The following ZNF699 variants were observed in gnomAD, a reference collection of about 807,000 sequenced individuals.
ZNF699 encodes the protein hangover homolog.
Under a neutral mutation model 22.5 loss-of-function variants are expected in ZNF699, and 18 were observed. The observed-to-expected ratio is 0.80, with a 90% confidence interval of 0.55 to 1.19. The LOEUF is 1.19. ZNF699 is among the 50% of genes most tolerant of loss of function. The pLI is 0.00. For missense variants in ZNF699, 670 were observed against 763.4 expected, an observed-to-expected ratio of 0.88 and a Z score of 1.44; for synonymous variants, 241 against 262.3, an observed-to-expected ratio of 0.92 and a Z score of 0.78.
intron 2 of ZNF699, 33 bp downstream of exon 2, chr19:9,305,039 T>C (rs375834767): frequency 6.3e-7 from 1 of 1,576,776 alleles, no homozygotes; most frequent in Non-Finnish European, 8.7e-7. Context: ...ACAATGGAAA[T>C]ATTCTTTTGG....
rs1230515106 is a variant in ZNF699 at position 9,292,872 on chromosome 19, C to G, written c.*2603G>C. Among the ~76,000 whole-genome samples the G allele has an allele frequency of 6.7e-6, 1 of 150,208 alleles. No individual in the cohort carries two copies. The highest frequency in any genetic ancestry group is 2.1e-4 in the South Asian group (1 of 4,778). The stretch of plus-strand genomic sequence containing the variant: ...CCATAAGTCTGGGTGCAGTGGCTCA[C>G]GCCTATAATCCCAGCACTTTGGGAG... On this transcript the variant is annotated 3_prime_UTR_variant, in exon 6 of 6. Coordinates refer to ENST00000591998, the MANE Select transcript of ZNF699 (RefSeq NM_198535.3).
At chr19:9,301,134 AAAAAGAGAG>A (rs1568346112) in intron 3 of ZNF699, among the ~76,000 whole-genome samples, 2 of 146,450 alleles carry the variant, frequency 1.4e-5, no homozygotes, top group African/African-American at 5.5e-5. Flanking sequence ...CCTACAAAAA[AAAAAGAGAG>A]AGAGAGAGAG....
intron 3 of ZNF699, among the ~76,000 whole-genome samples, chr19:9,300,074 G>C (rs1401003608): frequency 1.3e-5 from 2 of 152,146 alleles, no homozygotes; most frequent in Admixed American, 1.3e-4. Flanking sequence ...AGGATGAGGA[G>C]CAACAGGAAC....
rs1192695408 is a variant in ZNF699 at position 9,296,428 on chromosome 19, T to G, written c.976A>C (p.Lys326Gln). ...GGCTTATCTCCACTGTGAATTCTTT[T>G]GTGTTTGGAGAGTGAGGAGGAACAA... ...FSCSSSLSKH[K>Q]RIHSGDKPYE... The change falls in exon 6 of 6, where the codon AAA becomes CAA. Residue 326 changes from lysine to glutamine, a missense_variant. Transcript: ENST00000591998. 6.2e-7 allele frequency: 1 copy of G among 1,613,524 alleles called. No individual in the cohort carries two copies. The highest frequency in any genetic ancestry group is 2.2e-5 in the East Asian group (1 of 44,764).
At position 9,295,655 on chromosome 19, in the gene ZNF699, T is replaced by C. The variant is rs1282965408; in HGVS notation, c.1749A>G (p.Gly583=). 1.9e-6 allele frequency: 3 copies of C among 1,614,034 alleles called. No homozygotes were observed. Among genetic ancestry groups the C allele is most frequent in the Non-Finnish European group, 2.5e-6 (3 of 1,180,034 alleles). Residue 583 remains glycine (G), a synonymous_variant, in exon 6 of 6, where the codon GGA becomes GGG. Transcript: ENST00000591998. The part of the protein sequence containing the change: ...YLTVHARMHT[G]EKPFECLECG... ...ATTCCAGACATTCAAAGGGTTTCTC[T>C]CCAGTGTGCATTCTTGCATGTACAG...
rs1406099617 is a variant in ZNF699, at chr19:9,302,419, C to G, written c.134G>C (p.Arg45Thr). 3 of 1,614,040 alleles carry G rather than the reference C, an allele frequency of 1.9e-6. No individual in the cohort carries two copies. Among genetic ancestry groups the G allele is most frequent in the Admixed American group, 1.7e-5 (1 of 60,016 alleles). ...CTGGAAGTTTTCCAGCATCACATCT[C>G]TGTAGAGGTTTCTCTGAGCAAGATC... ...LLDLAQRNLYRDVMLENFQNL... is the reference protein window; with the variant it reads ...LLDLAQRNLYTDVMLENFQNL... The change falls in exon 3 of 6, where the codon AGA (arginine) becomes ACA (threonine). Residue 45 changes from arginine to threonine, a missense_variant. Physicochemically the swap from Arg to Thr is moderately conservative, Grantham distance 71 (BLOSUM62 -1). Transcript: ENST00000591998.
At chr19:9,303,052 C>G (rs931264816) in intron 2 of ZNF699, among the ~76,000 whole-genome samples, 4 of 152,072 alleles carry the variant, frequency 2.6e-5, no homozygotes, top group Non-Finnish European at 4.4e-5. Flanking sequence ...ATTTATCTCC[C>G]CACAATCTGA....
At chr19:9,304,383 T>G (rs554842632) in intron 2 of ZNF699, among the ~76,000 whole-genome samples, 2 of 150,528 alleles carry the variant, frequency 1.3e-5, no homozygotes, top group South Asian at 4.2e-4. Flanking sequence ...AAAGCAGCCT[T>G]TCATTTTTTT....
In ZNF699 at chr19:9,297,327, A is replaced by G; in HGVS notation, c.439T>C (p.Tyr147His). 4 of 1,597,852 alleles carry G rather than the reference A, an allele frequency of 2.5e-6. No individual in the cohort carries two copies. Among genetic ancestry groups the G allele is most frequent in the Non-Finnish European group, 1.7e-6 (2 of 1,176,988 alleles). The stretch of plus-strand genomic sequence containing the variant: ...TGTCTCTCATGGCTTTTGTTCTGAT[A>G]ATCAATACCACAGGACTCCTGGTTT... The part of the protein sequence containing the change: ...HENQESCGID[Y>H]QNKSHERHLR... Residue 147 changes from tyrosine to histidine, a missense_variant, in exon 5 of 6, where the codon TAT becomes CAT. Physicochemically the swap from Tyr to His is moderately conservative, Grantham distance 83 (BLOSUM62 2). Transcript: ENST00000591998. This position sits in a 1 kb window ranked among gnomAD's most constrained non-coding sequence, Gnocchi z 4.3.
Position 9,295,975 on chromosome 19 carries a change from A to G in ZNF699, c.1429T>C (p.Cys477Arg), listed in dbSNP as rs1048379411. ...RDHTGKIQYE[C>R]KECGKTFSRS... ...CTAAAGGTCTTCCCACACTCCTTACATTCATACTGTATCTTTCCAGTGTGA... is the reference window on the plus strand; with the variant it reads ...CTAAAGGTCTTCCCACACTCCTTACGTTCATACTGTATCTTTCCAGTGTGA... Residue 477 changes from cysteine (C) to arginine (R), a missense_variant, in exon 6 of 6, where the codon TGT (cysteine) becomes CGT (arginine). Physicochemically the swap from Cys to Arg is radical, Grantham distance 180. Transcript: ENST00000591998. 2.5e-6 allele frequency: 4 copies of G among 1,614,144 alleles called. No homozygotes were observed. The highest frequency in any genetic ancestry group is 3.4e-6 in the Non-Finnish European group (4 of 1,180,032).
In ZNF699 at chr19:9,291,329, A is replaced by C. The variant is rs2066264941; in HGVS notation, c.*4146T>G. ...TTAATTTAGGAAACATGGGGAACAG[A>C]GAAGGCAAGACAATCTTAAAGAATA... On this transcript the variant is annotated 3_prime_UTR_variant, in exon 6 of 6. Transcript: ENST00000591998. Among the ~76,000 whole-genome samples the C allele has an allele frequency of 6.6e-6, 1 of 152,212 alleles. No individual in the cohort carries two copies. The highest frequency in any genetic ancestry group is 1.5e-5 in the Non-Finnish European group (1 of 68,040).
Position 9,296,957 on chromosome 19 carries a change from A to G in ZNF699, c.471-24T>C, listed in dbSNP as rs541089809. On this transcript the variant is annotated intron_variant, in intron 5 of 5. Coordinates refer to ENST00000591998, the MANE Select transcript of ZNF699 (RefSeq NM_198535.3). ...TTCTTTTAAAAATAAAAGACACATTATTAGTAATAAATTTCTACCAATTTC... is the reference window on the plus strand; with the variant it reads ...TTCTTTTAAAAATAAAAGACACATTGTTAGTAATAAATTTCTACCAATTTC... 7 of 1,504,002 alleles carry G rather than the reference A, an allele frequency of 4.7e-6. No homozygotes were observed. In the South Asian group the frequency reaches 9.1e-5, roughly 20 times the overall value. 93.2% of individuals were successfully genotyped at this position (1,504,002 alleles called of 1,614,324 possible).
rs1358994426 is a variant in ZNF699, at chr19:9,293,118, G to C, written c.*2357C>G. On this transcript the variant is annotated 3_prime_UTR_variant, in exon 6 of 6. Coordinates refer to ENST00000591998, the MANE Select transcript of ZNF699 (RefSeq NM_198535.3). ...CCACTGCACTCCAACCTGGGCACAA[G>C]AGTCCGTCTCAAAAAAAAAAAAAAA... Among the ~76,000 whole-genome samples the C allele has an allele frequency of 2.2e-5, 3 of 134,338 alleles. No homozygotes were observed. Among genetic ancestry groups the C allele is most frequent in the Non-Finnish European group, 4.6e-5 (3 of 65,250 alleles). 88.1% of individuals were successfully genotyped at this position (134,338 alleles called of 152,430 possible). A position where few individuals can be genotyped will look rare whatever the true frequency, so the allele number is the denominator to read the frequency against.
intron 2 of ZNF699, among the ~76,000 whole-genome samples, chr19:9,303,626 G>T (rs2066316017): frequency 6.6e-6 from 1 of 152,056 alleles, no homozygotes; most frequent in African/African-American, 2.4e-5. Flanking sequence ...CTCCATCACA[G>T]GCATGGCTGA....
At position 9,295,730 on chromosome 19, in the gene ZNF699, G is replaced by C; in HGVS notation, c.1674C>G (p.Pro558=). 1 of 1,613,658 alleles carries C rather than the reference G, an allele frequency of 6.2e-7. No individual in the cohort carries two copies. Among genetic ancestry groups the C allele is most frequent in the Non-Finnish European group, 8.5e-7 (1 of 1,179,898 alleles). Residue 558 remains proline (P), a synonymous_variant, in exon 6 of 6, where the codon CCC becomes CCG. Transcript: ENST00000591998. The part of the protein sequence containing the change: ...IHMRTHTGEK[P]YECKECGKAF... Reference sequence around the variant, plus strand: ...CTTTCCCACATTCCTTACATTCATAGGGTTTTTCCCCAGTGTGCGTTCTCA... The same window carrying C: ...CTTTCCCACATTCCTTACATTCATACGGTTTTTCCCCAGTGTGCGTTCTCA...
chr19:9,308,634 TAGGA>T (rs1191259397), intron 1 of ZNF699, among the ~76,000 whole-genome samples: 1 of 151,782 alleles, frequency 6.6e-6, no homozygotes, highest in Non-Finnish European at 1.5e-5. Flanking sequence ...TAAAAAGAAA[TAGGA>T]ATAAAGAAAG....
chr19:9,304,374 A>G (rs2066319155), intron 2 of ZNF699, among the ~76,000 whole-genome samples: 3 of 151,838 alleles, frequency 2.0e-5, no homozygotes, highest in Admixed American at 2.0e-4. Context: ...ACCGAGAGAA[A>G]AGCAGCCTTT....
chr19:9,295,910 G>T lies in ZNF699; in HGVS notation c.1494C>A (p.Ser498Arg), dbSNP rs199995726. ...CTTTACATTCATACGGCTTCTCTCCGCTGTGAGTTCTTAGGTGTTCGGTGA... is the reference window on the plus strand; with the variant it reads ...CTTTACATTCATACGGCTTCTCTCCTCTGTGAGTTCTTAGGTGTTCGGTGA... ...SSLTEHLRTHSGEKPYECKEC... is the reference protein window; with the variant it reads ...SSLTEHLRTHRGEKPYECKEC... The change falls in exon 6 of 6, where the codon AGC (serine) becomes AGA (arginine). Residue 498 changes from serine to arginine, a missense_variant. Ser to Arg is a moderately radical substitution (Grantham distance 110). Transcript: ENST00000591998. 4 of 1,613,060 alleles carry T rather than the reference G, an allele frequency of 2.5e-6. No individual in the cohort carries two copies. The highest frequency in any genetic ancestry group is 1.6e-4 in the Middle Eastern group (1 of 6,074).
Position 9,305,013 on chromosome 19 carries a change from C to A in ZNF699, c.48+59G>T. The A allele has an allele frequency of 4.9e-6, 7 of 1,436,906 alleles. No homozygotes were observed. The East Asian group carries it at 1.4e-4, about 28-fold the overall frequency. The allele number at this position is 1,436,906 out of a possible 1,614,324, so 89.0% of individuals were successfully genotyped here. Reference sequence around the variant, plus strand: ...GATTGCTGGCTTGTGCCCTAAAACACTGAGGGAGACCTGGTACAATGGAAA... The same window carrying A: ...GATTGCTGGCTTGTGCCCTAAAACAATGAGGGAGACCTGGTACAATGGAAA... On this transcript the variant is annotated intron_variant, in intron 2 of 5. Coordinates refer to ENST00000591998, the MANE Select transcript of ZNF699 (RefSeq NM_198535.3).
Sources: gnomAD v4.1 joint callset for allele counts (sites outside exome capture counted in the v4.1 genomes callset) on GRCh38, gnomAD v4.1.1 for gene constraint, Gnocchi (gnomAD v3.1) non-coding constraint, MANE v1.5 for transcripts, NCBI Gene and HGNC (gene_info 2026-07-23, HGNC 2026-07-21) for gene names.